CSGALNACT2: variants seen among roughly 807,000 people sequenced by gnomAD.
The protein encoded by CSGALNACT2 is beta 4 GalNAcT-2.
CSGALNACT2 carries 35 observed loss-of-function variants against 55.3 expected under a neutral mutation model. The ratio of observed to expected loss-of-function variants is 0.63; its 90% CI spans 0.48 to 0.84. The LOEUF is 0.84. Among genes scored for constraint, CSGALNACT2 ranks in the 40% least tolerant of loss-of-function variants. The pLI is 0.00. For synonymous variants in CSGALNACT2, 196 were observed against 224.9 expected, an observed-to-expected ratio of 0.87 and a Z score of 1.15; for missense variants, 544 against 657.5, an observed-to-expected ratio of 0.83 and a Z score of 1.89.
intron 1 of CSGALNACT2, among the ~76,000 whole-genome samples, chr10:43,146,416 G>A (rs374414799): frequency 2.0e-5 from 3 of 152,190 alleles, no homozygotes; most frequent in East Asian, 1.9e-4. Flanking sequence ...TTCTACCCCC[G>A]CTGGCAGCTG....
intron 2 of CSGALNACT2, among the ~76,000 whole-genome samples, chr10:43,158,173 C>T (rs1564514188): frequency 2.5e-5 from 3 of 120,412 alleles, no homozygotes; most frequent in African/African-American, 1.0e-4. Flanking sequence ...TGTATGTATA[C>T]ACACATATAT....
intron 1 of CSGALNACT2, among the ~76,000 whole-genome samples, chr10:43,152,643 A>G (rs1838900836): frequency 6.6e-6 from 1 of 152,200 alleles, no homozygotes; most frequent in African/African-American, 2.4e-5. Context: ...TCATAGTCTA[A>G]AATACATTGT....
Position 43,178,541 on chromosome 10 carries a change from A to C in CSGALNACT2, c.1336+2509A>C, listed in dbSNP as rs191246532. On this transcript the variant is annotated intron_variant, in intron 7 of 7. Coordinates refer to ENST00000374466, the MANE Select transcript of CSGALNACT2 (RefSeq NM_018590.5). Reference sequence around the variant, plus strand: ...GAGGCTGAGGCAGGAGAATGGCATGAACCTGGGAGGCGGAGTTTGCAGTGA... The same window carrying C: ...GAGGCTGAGGCAGGAGAATGGCATGCACCTGGGAGGCGGAGTTTGCAGTGA... Among the ~76,000 whole-genome samples the C allele has an allele frequency of 8.3e-3, 1,261 of 151,806 alleles. 53 individuals carry two copies. The East Asian group carries it at 0.095, about 11-fold the overall frequency.
rs572395189 is a variant in CSGALNACT2, at chr10:43,167,046, C to A, written c.1202C>A (p.Pro401His). Residue 401 changes from proline (P) to histidine (H), a missense_variant, in exon 6 of 8, where the codon CCT (proline) becomes CAT (histidine). Transcript: ENST00000374466. ...CCTGTGGTGTTCAGTCTTTACAATC[C>A]TGCCATTGTTTATGCCAACCAGGAA... ...FYPVVFSLYN[P>H]AIVYANQEVP... is the part of the protein sequence containing the mutation. 1 of 1,613,078 alleles carries A rather than the reference C, an allele frequency of 6.2e-7. No homozygotes were observed. Among genetic ancestry groups the A allele is most frequent in the South Asian group, 1.1e-5 (1 of 91,058 alleles).
chr10:43,175,969 G>T lies in CSGALNACT2; in HGVS notation c.1273G>T (p.Gly425Cys). Residue 425 changes from glycine to cysteine, a missense_variant, in exon 7 of 8, where the codon GGC becomes TGC. By Grantham distance (159) the Gly-to-Cys change is radical. Around this residue, in one of 2 missense-constraint regions of CSGALNACT2, gnomAD observed 170 missense variants for 256.2 expected, o/e 0.66. Coordinates refer to ENST00000374466, the MANE Select transcript of CSGALNACT2 (RefSeq NM_018590.5). Reference protein sequence around the residue: ...EQQLVHKKDSGFWRDFGFGMT... With the variant: ...EQQLVHKKDSCFWRDFGFGMT... ...AACTAAGGTTCACAAAAAGGATTCT[G>T]GCTTTTGGCGAGATTTTGGCTTTGG... 6.2e-7 allele frequency: 1 copy of T among 1,607,050 alleles called. No homozygotes were observed. Among genetic ancestry groups the T allele is most frequent in the South Asian group, 1.1e-5 (1 of 89,252 alleles).
At chr10:43,145,622 A>G (rs1838730874) in intron 1 of CSGALNACT2, among the ~76,000 whole-genome samples, 1 of 152,068 alleles carries the variant, frequency 6.6e-6, no homozygotes, top group Admixed American at 6.6e-5. Flanking sequence ...TATATTGCCC[A>G]GGCTGATCTC....
chr10:43,153,950 A>G (rs1838936561), intron 1 of CSGALNACT2, among the ~76,000 whole-genome samples: 1 of 152,242 alleles, frequency 6.6e-6, no homozygotes, highest in African/African-American at 2.4e-5. Flanking sequence ...TGCATAATAC[A>G]GTGGAAAGAA....
At chr10:43,143,823 C>T (rs531544208) in intron 1 of CSGALNACT2, among the ~76,000 whole-genome samples, 1 of 152,270 alleles carries the variant, frequency 6.6e-6, no homozygotes, top group Non-Finnish European at 1.5e-5. Context: ...GTACTCAGCA[C>T]AGTGCCTGAC....
chr10:43,164,380 A>G (rs1398051747), intron 5 of CSGALNACT2, among the ~76,000 whole-genome samples: 1 of 152,180 alleles, frequency 6.6e-6, no homozygotes, highest in Non-Finnish European at 1.5e-5. Context: ...GATGTGTGTG[A>G]GAGTCTGAAG....
chr10:43,164,319 A>T (rs1348932241), intron 5 of CSGALNACT2, among the ~76,000 whole-genome samples: 1 of 152,204 alleles, frequency 6.6e-6, no homozygotes, highest in Non-Finnish European at 1.5e-5. Flanking sequence ...CTACAAATTG[A>T]TGAGGTGGGA....
chr10:43,181,493 A>G (rs1276737543), intron 7 of CSGALNACT2, among the ~76,000 whole-genome samples: 2 of 152,200 alleles, frequency 1.3e-5, no homozygotes, highest in Non-Finnish European at 2.9e-5. Flanking sequence ...AAGAGCTTAT[A>G]TCTACAAGGA....
At chr10:43,172,512 G>A (rs756631196) in intron 6 of CSGALNACT2, among the ~76,000 whole-genome samples, 19 of 152,076 alleles carry the variant, frequency 1.2e-4, no homozygotes, top group Non-Finnish European at 2.8e-4. Flanking sequence ...TGCTGCAGTC[G>A]AGTGCCTGTC....
At chr10:43,180,457 A>T (rs919435209) in intron 7 of CSGALNACT2, among the ~76,000 whole-genome samples, 1 of 152,052 alleles carries the variant, frequency 6.6e-6, no homozygotes, top group African/African-American at 2.4e-5. Context: ...GCATTTTTTT[A>T]AATTCCTTAG....
At chr10:43,166,945 A>G (rs1839277035) in intron 5 of CSGALNACT2, 59 bp from the exon 6 acceptor site, 4 of 1,016,664 alleles carry the variant, frequency 3.9e-6, no homozygotes, top group East Asian at 2.4e-5. Flanking sequence ...AGATATTGCA[A>G]TAAAGAACAG....
chr10:43,142,926 C>T (rs1838661012), intron 1 of CSGALNACT2, among the ~76,000 whole-genome samples: 1 of 152,160 alleles, frequency 6.6e-6, no homozygotes, highest in Non-Finnish European at 1.5e-5. Context: ...CCACCACCAC[C>T]ACCACCAACA....
intron 1 of CSGALNACT2, among the ~76,000 whole-genome samples, chr10:43,153,563 A>G (rs1408014625): frequency 6.6e-6 from 1 of 151,924 alleles, no homozygotes; most frequent in Non-Finnish European, 1.5e-5. Context: ...TCTACTCATT[A>G]AAAAAGTGGC....
intron 7 of CSGALNACT2, among the ~76,000 whole-genome samples, chr10:43,182,008 G>A (rs2133160928): frequency 6.9e-6 from 1 of 145,572 alleles, no homozygotes; most frequent in African/African-American, 2.6e-5. Context: ...AGTAAAGACA[G>A]GAGTAAGAAA....
intron 7 of CSGALNACT2, among the ~76,000 whole-genome samples, chr10:43,176,548 C>G (rs1839484273): frequency 6.6e-6 from 1 of 152,160 alleles, no homozygotes; most frequent in Non-Finnish European, 1.5e-5. Context: ...CATGCATTCC[C>G]CTAAGCCTAA....
intron 4 of CSGALNACT2, chr10:43,163,110 GA>G: frequency 1.0e-6 from 1 of 985,128 alleles, no homozygotes; most frequent in Non-Finnish European, 1.2e-6. Context: ...TTGCCTTTGA[GA>G]ATAATTATTT....
Sources: allele counts gnomAD v4.1 joint callset (sites outside exome capture counted in the v4.1 genomes callset), GRCh38; gene constraint gnomAD v4.1.1; regional missense constraint gnomAD v4.1.1; transcripts MANE v1.5; gene names NCBI Gene and HGNC (gene_info 2026-07-23, HGNC 2026-07-21).